The following RPH3A variants were observed in gnomAD, a reference collection of about 807,000 sequenced individuals.
RPH3A encodes rabphilin 3A.
RPH3A carries 48 observed loss-of-function variants against 102.2 expected under a neutral mutation model. That is an observed-to-expected ratio of 0.47 (90% CI 0.37 to 0.60). The LOEUF (loss-of-function observed/expected upper bound fraction) is 0.60. Among genes scored for constraint, RPH3A ranks in the 20% least tolerant of loss-of-function variants. RPH3A has a pLI of 0.00. For synonymous variants in RPH3A, 310 were observed against 324.3 expected (o/e 0.96, Z 0.47); for missense variants, 781 against 910.1 (o/e 0.86, Z 1.83).
intron 2 of RPH3A, among the ~76,000 whole-genome samples, chr12:112,799,103 A>G (rs759389269): frequency 2.0e-5 from 3 of 152,036 alleles, no homozygotes; most frequent in South Asian, 2.1e-4. Context: ...ACTGAGAGGC[A>G]GACCAGGGAT....
intron 1 of RPH3A, among the ~76,000 whole-genome samples, chr12:112,780,594 T>C (rs1283144354): frequency 1.3e-5 from 2 of 152,226 alleles, no homozygotes; most frequent in African/African-American, 4.8e-5. Flanking sequence ...ACCTTCAGAT[T>C]CAACAGGCAT....
At chr12:112,607,515 G>A (rs2039605510) in intron 1 of RPH3A, among the ~76,000 whole-genome samples, 2 of 152,152 alleles carry the variant, frequency 1.3e-5, no homozygotes, top group Admixed American at 6.5e-5. Context: ...TCAAGGAACT[G>A]GCTAATGCAG....
At chr12:112,792,429 G>A (rs1383884067) in intron 2 of RPH3A, among the ~76,000 whole-genome samples, 166 bp downstream of exon 2, 1 of 152,174 alleles carries the variant, frequency 6.6e-6, no homozygotes, top group Non-Finnish European at 1.5e-5. Context: ...TCACCTAAGC[G>A]GCATCCCAAA....
intron 1 of RPH3A, among the ~76,000 whole-genome samples, chr12:112,769,061 T>C (rs1224651818): frequency 2.0e-5 from 3 of 152,256 alleles, no homozygotes; most frequent in African/African-American, 7.2e-5. Flanking sequence ...GATTTCTGTA[T>C]CTTGTTCATG....
At chr12:112,841,714 T>TG (rs997214742) in intron 4 of RPH3A, among the ~76,000 whole-genome samples, 6 of 150,580 alleles carry the variant, frequency 4.0e-5, no homozygotes, top group East Asian at 3.9e-4. Flanking sequence ...TTGGTTTTTT[T>TG]TTTTTTTCCA....
intron 1 of RPH3A, among the ~76,000 whole-genome samples, chr12:112,691,665 C>T (rs953271364): frequency 2.6e-5 from 4 of 152,184 alleles, no homozygotes; most frequent in Non-Finnish European, 5.9e-5. Flanking sequence ...TTAGCGTCTT[C>T]ACCTGCAAAA....
intron 1 of RPH3A, among the ~76,000 whole-genome samples, chr12:112,676,393 C>T (rs1226649575): frequency 1.3e-5 from 2 of 152,212 alleles, no homozygotes; most frequent in African/African-American, 4.8e-5. Flanking sequence ...GGCTCTTGGC[C>T]GAATCTGCTC....
chr12:112,591,472 T>C (rs763548835), intron 1 of RPH3A: 3 of 152,256 alleles, frequency 2.0e-5, no homozygotes, highest in African/African-American at 7.2e-5. Flanking sequence ...GTGGTCCCTG[T>C]AGCCATTTGA....
In RPH3A at chr12:112,770,193, A is replaced by C. The variant is rs1007071071; in HGVS notation, c.-139-21950A>C. ...TTTAGGCTATTTTCAGTTTTTCCCTATTACAGACCAGGTTGTAATGAACAT... is the reference window on the plus strand; with the variant it reads ...TTTAGGCTATTTTCAGTTTTTCCCTCTTACAGACCAGGTTGTAATGAACAT... On this transcript the variant is annotated intron_variant, in intron 1 of 21. Coordinates refer to the RPH3A transcript ENST00000543106. Among the ~76,000 whole-genome samples, 5 of 152,236 alleles carry C rather than the reference A, an allele frequency of 3.3e-5. No individual in the cohort carries two copies. In the East Asian group the frequency reaches 9.6e-4, roughly 29 times the overall value.
Position 112,879,209 on chromosome 12 carries a change from G to A in RPH3A, c.1251+11G>A, listed in dbSNP as rs2042862584. On this transcript the variant is annotated intron_variant, in intron 14 of 21. Transcript: ENST00000389385. The stretch of plus-strand genomic sequence containing the variant: ...ATCATTAAGGCCAAGGTGGGTGATG[G>A]GGACCATGCAGGGAACCTCTCAGGA... The A allele has an allele frequency of 3.1e-6, 5 of 1,611,936 alleles. No individual in the cohort carries two copies. The highest frequency in any genetic ancestry group is 4.2e-6 in the Non-Finnish European group (5 of 1,178,532).
At chr12:112,873,575 C>T (rs1565934589) in intron 10 of RPH3A, among the ~76,000 whole-genome samples, 4 of 152,314 alleles carry the variant, frequency 2.6e-5, no homozygotes, top group Non-Finnish European at 4.4e-5. Flanking sequence ...CTTGGAGCGG[C>T]TTATTCTATT....
intron 1 of RPH3A, among the ~76,000 whole-genome samples, chr12:112,635,456 C>A (rs1936436272): frequency 1.3e-5 from 2 of 152,096 alleles, no homozygotes; most frequent in Non-Finnish European, 2.9e-5. Context: ...ATAGGATCTT[C>A]ATTAGGATTA....
intron 1 of RPH3A, among the ~76,000 whole-genome samples, chr12:112,766,046 C>A (rs754457517): frequency 2.0e-5 from 3 of 152,138 alleles, no homozygotes; most frequent in Non-Finnish European, 4.4e-5. Flanking sequence ...CTCCATGAAT[C>A]TGCTTGTATT....
At chr12:112,604,335 A>G (rs1566225372) in intron 1 of RPH3A, among the ~76,000 whole-genome samples, 1 of 152,194 alleles carries the variant, frequency 6.6e-6, no homozygotes, top group Non-Finnish European at 1.5e-5. Flanking sequence ...AAAAGAGGAT[A>G]CAGAACAATT....
intron 1 of RPH3A, among the ~76,000 whole-genome samples, chr12:112,617,049 T>C (rs538216878): frequency 6.6e-6 from 1 of 152,294 alleles, no homozygotes; most frequent in East Asian, 1.9e-4. Flanking sequence ...AGACAGTTTT[T>C]TCCCTCCTGA....
At chr12:112,694,289 C>T (rs537896383) in intron 1 of RPH3A, among the ~76,000 whole-genome samples, 3 of 152,286 alleles carry the variant, frequency 2.0e-5, no homozygotes, top group Non-Finnish European at 2.9e-5. Context: ...CTGAGTCTCA[C>T]GTGGCCCAGC....
intron 1 of RPH3A, among the ~76,000 whole-genome samples, chr12:112,636,688 C>G (rs2039851263): frequency 6.6e-6 from 1 of 152,178 alleles, no homozygotes; most frequent in Non-Finnish European, 1.5e-5. Flanking sequence ...AGTTTATCTA[C>G]AGTGATCACA....
chr12:112,841,938 T>G, intron 4 of RPH3A: 1 of 456,012 alleles, frequency 2.2e-6, no homozygotes, highest in Non-Finnish European at 4.4e-6. Context: ...CTCTCCTGAA[T>G]AGCTAAATCA....
chr12:112,845,195 C>T (rs1213352809), intron 4 of RPH3A, among the ~76,000 whole-genome samples: 2 of 152,144 alleles, frequency 1.3e-5, no homozygotes, highest in Non-Finnish European at 2.9e-5. Context: ...CCTCTGGGGA[C>T]CATCCTAGAG....
Sources: gnomAD v4.1 joint callset for allele counts (sites outside exome capture counted in the v4.1 genomes callset) on GRCh38, gnomAD v4.1.1 for gene constraint, MANE v1.5 for transcripts, NCBI Gene and HGNC (gene_info 2026-07-23, HGNC 2026-07-21) for gene names.